The following SIX6 variants were observed in gnomAD, a reference collection of about 807,000 sequenced individuals.
SIX6 encodes the protein SIX homeobox 6, also known as homeobox protein SIX6.
Under a neutral mutation model 23.6 loss-of-function variants are expected in SIX6, and 14 were observed. The ratio of observed to expected loss-of-function variants is 0.59; its 90% confidence interval spans 0.39 to 0.93. The LOEUF (loss-of-function observed/expected upper bound fraction) is 0.93, where lower values mean the gene tolerates loss of function less well. Ranked by LOEUF, SIX6 falls within the 40% of genes least tolerant of loss-of-function variation. The pLI is 0.00. For missense variants in SIX6, 307 were observed against 325.6 expected (o/e 0.94, Z 0.44); for synonymous variants, 128 against 144.9 (o/e 0.88, Z 0.84).
In SIX6 at chr14:60,512,158, G is replaced by A. The variant is rs1438306891; in HGVS notation, c.*906G>A. On this transcript the variant is annotated 3_prime_UTR_variant, in exon 2 of 2. Transcript: ENST00000327720. ...CCGCATCCCCAGCACAGGTAATTAT[G>A]GCTTGTCCACTTGACACTCGTTTAC... 1 of 152,186 alleles carries A rather than the reference G, an allele frequency of 6.6e-6. No homozygotes were observed. Among genetic ancestry groups the A allele is most frequent in the African/African-American group, 2.4e-5 (1 of 41,428 alleles). 9.4% of individuals were successfully genotyped at this position (152,186 alleles called of 1,614,324 possible).
intron 1 of SIX6, 99 bp from the exon 2 acceptor site, chr14:60,510,985 C>T (rs1464951215): frequency 3.9e-6 from 5 of 1,291,340 alleles, no homozygotes; most frequent in Non-Finnish European, 4.4e-6. Flanking sequence ...TTCGGAAGAA[C>T]CTCTAGCCGC....
chr14:60,510,063 A>G, intron 1 of SIX6, 93 bp downstream of exon 1: 6 of 1,139,432 alleles, frequency 5.3e-6, no homozygotes, highest in Non-Finnish European at 6.5e-6. Flanking sequence ...TGGCGACTCC[A>G]ATTCAGCAGG....
In SIX6 at chr14:60,511,174, C is replaced by A; in HGVS notation, c.663C>A (p.Ser221Arg). Residue 221 changes from serine (S) to arginine (R), a missense_variant, in exon 2 of 2, where the codon AGC becomes AGA. By Grantham distance (110) the Ser-to-Arg change is moderately radical. Transcript: ENST00000327720. The stretch of plus-strand genomic sequence containing the variant: ...CAGAGGTGCTGGGCGTCGCCACCAG[C>A]CCGGCCGCCAGTCTATCCAGCAAGG... ...GTPEVLGVATSPAASLSSKAA... is the reference protein window; with the variant it reads ...GTPEVLGVATRPAASLSSKAA... The A allele has an allele frequency of 6.2e-7, 1 of 1,612,008 alleles. No individual in the cohort carries two copies. The highest frequency in any genetic ancestry group is 8.5e-7 in the Non-Finnish European group (1 of 1,179,482).
At position 60,512,097 on chromosome 14, in the gene SIX6, T is replaced by C. The variant is rs548913467; in HGVS notation, c.*845T>C. 6.4e-4 allele frequency: 98 copies of C among 152,312 alleles called. No homozygotes were observed. Among genetic ancestry groups the C allele is most frequent in the African/African-American group, 2.4e-3 (98 of 41,554 alleles). 9.4% of individuals were successfully genotyped at this position (152,312 alleles called of 1,614,324 possible). A position where few individuals can be genotyped will look rare whatever the true frequency, so the allele number is the denominator to read the frequency against. On this transcript the variant is annotated 3_prime_UTR_variant, in exon 2 of 2. Coordinates refer to ENST00000327720, the MANE Select transcript of SIX6 (RefSeq NM_007374.3). ...CACGTGATATATTTAAGGCTAGAAA[T>C]TGGCAACATGTGAGCGTCCTCTCTA... is the stretch of plus-strand genomic sequence containing the variant.
In SIX6 at chr14:60,512,263, T is replaced by C. The variant is rs369180813; in HGVS notation, c.*1011T>C. 2 of 152,254 alleles carry C rather than the reference T, an allele frequency of 1.3e-5. No individual in the cohort carries two copies. The highest frequency in any genetic ancestry group is 3.9e-4 in the East Asian group (2 of 5,164). The allele number at this position is 152,254 out of a possible 1,614,324, so 9.4% of individuals were successfully genotyped here. On this transcript the variant is annotated 3_prime_UTR_variant, in exon 2 of 2. Coordinates refer to ENST00000327720, the MANE Select transcript of SIX6 (RefSeq NM_007374.3). ...ATAAGTGAGTCCTATTTTCTAAAAATGCAAAACTATCCTGACTCAGGCTCT... is the reference window on the plus strand; with the variant it reads ...ATAAGTGAGTCCTATTTTCTAAAAACGCAAAACTATCCTGACTCAGGCTCT...
Position 60,511,591 on chromosome 14 carries a change from C to T in SIX6, c.*339C>T. On this transcript the variant is annotated 3_prime_UTR_variant, in exon 2 of 2. Coordinates refer to ENST00000327720, the MANE Select transcript of SIX6 (RefSeq NM_007374.3). ...AGATTCTCCCATGGGTATTTCACGTCGAAAGGACGCTGTTACATATGTATA... is the reference window on the plus strand; with the variant it reads ...AGATTCTCCCATGGGTATTTCACGTTGAAAGGACGCTGTTACATATGTATA... 5 of 477,784 alleles carry T rather than the reference C, an allele frequency of 1.0e-5. No homozygotes were observed. Among genetic ancestry groups the T allele is most frequent in the Non-Finnish European group, 1.9e-5 (5 of 260,724 alleles). 29.6% of individuals were successfully genotyped at this position (477,784 alleles called of 1,614,324 possible).
In SIX6 at chr14:60,511,248, T is replaced by C. The variant is rs114981075; in HGVS notation, c.737T>C (p.Ile246Thr). ...ACGTCCAGCGACAGCGAGTGCGACA[T>C]CTGAGTTGCCCATCCAGGATGCTCA... ...SITSSDSECDI is the reference protein window; with the variant it reads ...SITSSDSECDT The change falls in exon 2 of 2, where the codon ATC becomes ACC. Residue 246 changes from isoleucine to threonine, a missense_variant. Physicochemically the swap from Ile to Thr is moderately conservative, Grantham distance 89. Transcript: ENST00000327720. 6.2e-7 allele frequency: 1 copy of C among 1,613,422 alleles called. No homozygotes were observed. The highest frequency in any genetic ancestry group is 8.5e-7 in the Non-Finnish European group (1 of 1,179,924).
In SIX6 at chr14:60,512,358, T is replaced by C. The variant is rs990449408; in HGVS notation, c.*1106T>C. On this transcript the variant is annotated 3_prime_UTR_variant, in exon 2 of 2. Transcript: ENST00000327720. Reference sequence around the variant, plus strand: ...CAAAAGCAGCAGGCACCCATGATCATGCTAGAGTGAGCATATACTGCATTT... The same window carrying C: ...CAAAAGCAGCAGGCACCCATGATCACGCTAGAGTGAGCATATACTGCATTT... 2.0e-5 allele frequency: 3 copies of C among 152,228 alleles called. No homozygotes were observed. Among genetic ancestry groups the C allele is most frequent in the Non-Finnish European group, 4.4e-5 (3 of 68,042 alleles). The allele number at this position is 152,228 out of a possible 1,614,324, so 9.4% of individuals were successfully genotyped here.
Position 60,510,872 on chromosome 14 carries a change from T to A in SIX6, c.573-212T>A, listed in dbSNP as rs566745955. On this transcript the variant is annotated intron_variant, in intron 1 of 1. Transcript: ENST00000327720. ...CTGCGGCGCTGAGAAAGGGCGCGAA[T>A]CATGGTGGGGCACAACAGTAGGGAC... is the stretch of plus-strand genomic sequence containing the variant. 1.3e-3 allele frequency among the ~76,000 whole-genome samples: 194 copies of A among 152,318 alleles called. 1 individual carries two copies. Among genetic ancestry groups the A allele is most frequent in the African/African-American group, 4.5e-3 (186 of 41,576 alleles).
At position 60,511,090 on chromosome 14, in the gene SIX6, G is replaced by C. The variant is rs745496406; in HGVS notation, c.579G>C (p.Gln193His). ...DRAAAAKNRL[Q>H]QQVLSQGSGR... ...TTCCCTTTCTTCCCCGTAGACTCCAGCAGCAGGTCCTGTCACAGGGTTCCG... is the reference window on the plus strand; with the variant it reads ...TTCCCTTTCTTCCCCGTAGACTCCACCAGCAGGTCCTGTCACAGGGTTCCG... The change falls in exon 2 of 2, where the codon CAG (glutamine) becomes CAC (histidine). Residue 193 changes from glutamine (Q) to histidine (H), a missense_variant. Gln to His is a conservative substitution (Grantham distance 24, BLOSUM62 0). Transcript: ENST00000327720. 1.2e-6 allele frequency: 2 copies of C among 1,612,782 alleles called. No individual in the cohort carries two copies. The highest frequency in any genetic ancestry group is 1.7e-6 in the Non-Finnish European group (2 of 1,179,818).
In SIX6 at chr14:60,509,844, AG is replaced by A; in HGVS notation, c.448del (p.Asp150IlefsTer18). ...CACCTGCTACGCGAGTGGTACCTGC[AG>A]GATCCATACCCTAACCCCAGCAAAA... ...TRHLLREWYLQDPYPNPSKKR... is the reference protein window; with the variant it reads ...TRHLLREWYLXDPYPNPSKKR... On this transcript the variant is annotated frameshift_variant, in exon 1 of 2. Coordinates refer to ENST00000327720, the MANE Select transcript of SIX6 (RefSeq NM_007374.3). LOFTEE classifies it high-confidence loss of function. The A allele has an allele frequency of 6.2e-7, 1 of 1,613,966 alleles. No homozygotes were observed.
At chr14:60,510,262 T>C (rs1893270556) in intron 1 of SIX6, among the ~76,000 whole-genome samples, 1 of 152,108 alleles carries the variant, frequency 6.6e-6, no homozygotes, top group African/African-American at 2.4e-5. Flanking sequence ...AAAATTAAAA[T>C]CCTACAAACA....
intron 1 of SIX6, 140 bp from the exon 2 acceptor site, chr14:60,510,944 C>T (rs1893281795): frequency 1.0e-5 from 9 of 861,424 alleles, no homozygotes; most frequent in South Asian, 3.3e-5. Context: ...TGTCGCCTTG[C>T]CGAGTAATCC....
In SIX6 at chr14:60,511,827, C is replaced by T. The variant is rs554307113; in HGVS notation, c.*575C>T. 3.1e-5 allele frequency: 5 copies of T among 160,602 alleles called. No homozygotes were observed. In the South Asian group the frequency reaches 6.9e-4, roughly 22 times the overall value. The allele number at this position is 160,602 out of a possible 1,614,324, so 9.9% of individuals were successfully genotyped here. On this transcript the variant is annotated 3_prime_UTR_variant, in exon 2 of 2. Coordinates refer to ENST00000327720, the MANE Select transcript of SIX6 (RefSeq NM_007374.3). ...AATTAAGGGAGCTGCTCTCAGATTC[C>T]TTTTCTTCTTATTATTATTAATATC...
At position 60,509,960 on chromosome 14, in the gene SIX6, G is replaced by C. The variant is rs1277078601; in HGVS notation, c.562G>C (p.Ala188Pro). Reference protein sequence around the residue: ...NRRQRDRAAAAKNRLQQQVLS... With the variant: ...NRRQRDRAAAPKNRLQQQVLS... ...CCGACAAAGGGACCGAGCGGCTGCA[G>C]CCAAGAACAGGTCGGTACCTAGAGG... Residue 188 changes from alanine (A) to proline (P), a missense_variant, in exon 1 of 2, where the codon GCC (alanine) becomes CCC (proline). Transcript: ENST00000327720. 2 of 1,603,154 alleles carry C rather than the reference G, an allele frequency of 1.2e-6. No individual in the cohort carries two copies. The highest frequency in any genetic ancestry group is 1.7e-6 in the Non-Finnish European group (2 of 1,174,238).
In SIX6 at chr14:60,509,798, T is replaced by C; in HGVS notation, c.400T>C (p.Cys134Arg). The C allele has an allele frequency of 6.2e-7, 1 of 1,613,304 alleles. No homozygotes were observed. The highest frequency in any genetic ancestry group is 1.1e-5 in the South Asian group (1 of 91,058). ...TTGGGACGGCGAACAGAAGACACAC[T>C]GCTTCAAGGAGCGCACGCGGCACCT... ...TIWDGEQKTH[C>R]FKERTRHLLR... The change falls in exon 1 of 2, where the codon TGC becomes CGC. Residue 134 changes from cysteine (C) to arginine (R), a missense_variant. Physicochemically the swap from Cys to Arg is radical, Grantham distance 180. Coordinates refer to ENST00000327720, the MANE Select transcript of SIX6 (RefSeq NM_007374.3).
At position 60,509,916 on chromosome 14, in the gene SIX6, G is replaced by T. The variant is rs1421692802; in HGVS notation, c.518G>T (p.Gly173Val). ...ACCGGACTGACCCCTACGCAGGTGG[G>T]CAACTGGTTCAAAAACCGCCGACAA... ...QATGLTPTQV[G>V]NWFKNRRQRD... The change falls in exon 1 of 2, where the codon GGC becomes GTC. Residue 173 changes from glycine (G) to valine (V), a missense_variant. Transcript: ENST00000327720. 7 of 1,611,670 alleles carry T rather than the reference G, an allele frequency of 4.3e-6. No homozygotes were observed. Among genetic ancestry groups the T allele is most frequent in the South Asian group, 1.1e-5 (1 of 90,760 alleles).
Position 60,512,432 on chromosome 14 carries a change from T to C in SIX6, c.*1180T>C, listed in dbSNP as rs1190827605. 6.6e-6 allele frequency: 1 copy of C among 152,212 alleles called. No homozygotes were observed. Among genetic ancestry groups the C allele is most frequent in the East Asian group, 1.9e-4 (1 of 5,204 alleles). The allele number at this position is 152,212 out of a possible 1,614,324, so 9.4% of individuals were successfully genotyped here. Reference sequence around the variant, plus strand: ...AGACAAAAGATGATAGAAGAGGTTGTAAATAATTAGACTAACATCTTCTTG... The same window carrying C: ...AGACAAAAGATGATAGAAGAGGTTGCAAATAATTAGACTAACATCTTCTTG... On this transcript the variant is annotated 3_prime_UTR_variant, in exon 2 of 2. Coordinates refer to ENST00000327720, the MANE Select transcript of SIX6 (RefSeq NM_007374.3).
In SIX6 at chr14:60,512,623, G is replaced by A. The variant is rs1893311363; in HGVS notation, c.*1371G>A. On this transcript the variant is annotated 3_prime_UTR_variant, in exon 2 of 2. Coordinates refer to ENST00000327720, the MANE Select transcript of SIX6 (RefSeq NM_007374.3). ...ATTAAGCATAGAACAAGTCATCAAGGGCCTCATTGTCCTGGTAATGGCCTC... is the reference window on the plus strand; with the variant it reads ...ATTAAGCATAGAACAAGTCATCAAGAGCCTCATTGTCCTGGTAATGGCCTC... The A allele has an allele frequency of 6.6e-6, 1 of 152,032 alleles. No homozygotes were observed. Among genetic ancestry groups the A allele is most frequent in the South Asian group, 2.1e-4 (1 of 4,818 alleles). The allele number at this position is 152,032 out of a possible 1,614,324, so 9.4% of individuals were successfully genotyped here. A position where few individuals can be genotyped will look rare whatever the true frequency, so the allele number is the denominator to read the frequency against.
Sources: allele counts gnomAD v4.1 joint callset (sites outside exome capture counted in the v4.1 genomes callset), GRCh38; gene constraint gnomAD v4.1.1; transcripts MANE v1.5; gene names NCBI Gene and HGNC (gene_info 2026-07-23, HGNC 2026-07-21).